The following ACAD11 variants were observed in gnomAD, a reference collection of about 807,000 sequenced individuals.
The protein encoded by ACAD11 is acyl-CoA dehydrogenase family member 11, also known as acyl-Coenzyme A dehydrogenase family, member 11.
A neutral mutation model predicts 102.2 loss-of-function variants in ACAD11; 83 were observed. That is an observed-to-expected ratio of 0.81 (90% CI 0.68 to 0.97). The LOEUF is 0.97. Among genes scored for constraint, ACAD11 ranks in the 50% least tolerant of loss-of-function variants. The pLI is 0.00. For missense variants in ACAD11, 901 were observed against 951.7 expected, an observed-to-expected ratio of 0.95 and a Z score of 0.70; for synonymous variants, 324 against 319.8, an observed-to-expected ratio of 1.01 and a Z score of -0.14.
chr3:132,657,313 CTCTGT>C (rs1198969595), intron 1 of ACAD11, among the ~76,000 whole-genome samples: 1 of 152,180 alleles, frequency 6.6e-6, no homozygotes, highest in Non-Finnish European at 1.5e-5. Context: ...TCTGTGAACT[CTCTGT>C]TCTATTTTAT....
intron 1 of ACAD11, chr3:132,648,817 G>A (rs986552670): frequency 1.3e-5 from 2 of 152,182 alleles, no homozygotes; most frequent in East Asian, 3.9e-4. Flanking sequence ...AGAGAGATCA[G>A]ACTGTTACTG....
At chr3:132,586,078 C>G (rs904246531) in intron 13 of ACAD11, among the ~76,000 whole-genome samples, 3 of 152,214 alleles carry the variant, frequency 2.0e-5, no homozygotes, top group Non-Finnish European at 4.4e-5. Flanking sequence ...ATAGCAAAGA[C>G]TTGGAACCAA....
At chr3:132,604,848 C>T (rs1307795331) in intron 12 of ACAD11, among the ~76,000 whole-genome samples, 2 of 152,182 alleles carry the variant, frequency 1.3e-5, no homozygotes, top group African/African-American at 4.8e-5. Flanking sequence ...ACTAAGTTTA[C>T]TCTGCTACTA....
intron 1 of ACAD11, among the ~76,000 whole-genome samples, chr3:132,649,367 C>A (rs977494678): frequency 1.3e-5 from 2 of 152,206 alleles, no homozygotes; most frequent in African/African-American, 2.4e-5. Context: ...AGGAGAAAAG[C>A]CACCCTGTGG....
chr3:132,558,943 C>A lies in ACAD11; in HGVS notation c.*28G>T. 6.5e-7 allele frequency: 1 copy of A among 1,531,702 alleles called. No homozygotes were observed. Among genetic ancestry groups the A allele is most frequent in the Admixed American group, 1.8e-5 (1 of 56,552 alleles). 94.9% of individuals were successfully genotyped at this position (1,531,702 alleles called of 1,614,324 possible). A position where few individuals can be genotyped will look rare whatever the true frequency, so the allele number is the denominator to read the frequency against. ...AAGTTTGTATAAAGGAGAGTTTCTGCCAGTGGGATGTGGCAGTGCCACCCT... is the reference window on the plus strand; with the variant it reads ...AAGTTTGTATAAAGGAGAGTTTCTGACAGTGGGATGTGGCAGTGCCACCCT... On this transcript the variant is annotated 3_prime_UTR_variant, in exon 20 of 20. Transcript: ENST00000264990.
At chr3:132,607,679 G>A (rs1001618487) in intron 11 of ACAD11, among the ~76,000 whole-genome samples, 7 of 152,220 alleles carry the variant, frequency 4.6e-5, no homozygotes, top group African/African-American at 1.7e-4. Flanking sequence ...GGGGAGAATG[G>A]AACCAAGTTG....
At chr3:132,573,099 G>T (rs1937429148) in intron 17 of ACAD11, among the ~76,000 whole-genome samples, 1 of 151,952 alleles carries the variant, frequency 6.6e-6, no homozygotes, top group African/African-American at 2.4e-5. Context: ...CCTCCAACTG[G>T]CCCCGGTGTG....
intron 18 of ACAD11, 35 bp downstream of exon 18, chr3:132,561,066 G>A: frequency 6.6e-7 from 1 of 1,507,610 alleles, no homozygotes; most frequent in Non-Finnish European, 9.2e-7. Flanking sequence ...AGAAGGCTCA[G>A]CAGTTGGTGG....
At chr3:132,627,805 G>A (rs1939886051) in intron 8 of ACAD11, among the ~76,000 whole-genome samples, 1 of 152,182 alleles carries the variant, frequency 6.6e-6, no homozygotes, top group African/African-American at 2.4e-5. Flanking sequence ...ATTATGCCAT[G>A]GGTACTTGTG....
Position 132,559,958 on chromosome 3 carries a change from A to G in ACAD11, c.2119-16T>C, listed in dbSNP as rs770046978. 1 of 1,585,452 alleles carries G rather than the reference A, an allele frequency of 6.3e-7. No homozygotes were observed. Among genetic ancestry groups the G allele is most frequent in the East Asian group, 2.3e-5 (1 of 44,374 alleles). ...TCATTGCAATCTATATAAGCAAAAT[A>G]TGAAAAGAATGCTTCTTTCTTAGAC... is the stretch of plus-strand genomic sequence containing the variant. On this transcript the variant is annotated splice_polypyrimidine_tract_variant and intron_variant, in intron 18 of 19. Coordinates refer to ENST00000264990, the MANE Select transcript of ACAD11 (RefSeq NM_032169.5).
chr3:132,656,751 C>A (rs1172538269), intron 1 of ACAD11, among the ~76,000 whole-genome samples: 1 of 152,132 alleles, frequency 6.6e-6, no homozygotes, highest in Non-Finnish European at 1.5e-5. Context: ...TTCAGCCTCC[C>A]AAAGTGCTGG....
intron 17 of ACAD11, 75 bp from the exon 18 acceptor site, chr3:132,561,292 A>G: frequency 9.0e-7 from 1 of 1,109,904 alleles, no homozygotes. Context: ...ACACAGTCTT[A>G]TAGTTTGGTG....
At chr3:132,623,073 ATT>A in intron 9 of ACAD11, among the ~76,000 whole-genome samples, 1 of 152,150 alleles carries the variant, frequency 6.6e-6, no homozygotes, top group East Asian at 1.9e-4. Context: ...ATATTTTCCA[ATT>A]GGAAGAATTG....
chr3:132,593,560 A>G (rs1938170679), intron 13 of ACAD11, among the ~76,000 whole-genome samples: 1 of 152,184 alleles, frequency 6.6e-6, no homozygotes, highest in Non-Finnish European at 1.5e-5. Flanking sequence ...TTTTAGAAAA[A>G]CAGACATTTC....
chr3:132,609,562 C>T (rs1939019884), intron 11 of ACAD11, among the ~76,000 whole-genome samples: 1 of 151,882 alleles, frequency 6.6e-6, no homozygotes, highest in African/African-American at 2.4e-5. Context: ...ACACATATAC[C>T]CTCCCAAGAT....
At chr3:132,580,456 GAGAT>G (rs1486694264) in intron 13 of ACAD11, among the ~76,000 whole-genome samples, 1 of 151,966 alleles carries the variant, frequency 6.6e-6, no homozygotes, top group Non-Finnish European at 1.5e-5. Flanking sequence ...AGAAAAAAGA[GAGAT>G]AGAGAAGTAG....
At chr3:132,581,054 T>C (rs1937590594) in intron 13 of ACAD11, among the ~76,000 whole-genome samples, 1 of 151,996 alleles carries the variant, frequency 6.6e-6, no homozygotes, top group Non-Finnish European at 1.5e-5. Context: ...GAAAAAGCCA[T>C]TGACTAGCAA....
chr3:132,609,464 C>T (rs1939013462), intron 11 of ACAD11, among the ~76,000 whole-genome samples: 1 of 152,120 alleles, frequency 6.6e-6, no homozygotes, highest in African/African-American at 2.4e-5. Context: ...ACACTGATCC[C>T]ACAGAAATAC....
At chr3:132,621,978 CA>C (rs546732705) in intron 9 of ACAD11, among the ~76,000 whole-genome samples, 26,095 of 80,002 alleles carry the variant, frequency 0.33, 3,079 homozygotes, top group East Asian at 0.53. Context: ...GACTCTGTCT[CA>C]AAAAAAAAAA....
Sources: allele counts gnomAD v4.1 joint callset (sites outside exome capture counted in the v4.1 genomes callset), GRCh38; gene constraint gnomAD v4.1.1; transcripts MANE v1.5; gene names NCBI Gene and HGNC (gene_info 2026-07-23, HGNC 2026-07-21).